The following GRM7 variants were observed in gnomAD, a reference collection of about 807,000 sequenced individuals.
GRM7 encodes metabotropic glutamate receptor 7.
Under a neutral mutation model 84.5 loss-of-function variants are expected in GRM7, and 35 were observed. That is an observed-to-expected ratio of 0.41 (90% CI 0.32 to 0.55). GRM7 has a LOEUF of 0.55. GRM7 is among the 20% of genes least tolerant of loss of function. The probability of loss-of-function intolerance (pLI) is 0.19; values close to 1 mark genes in which losing one functional copy is unlikely to be tolerated. For missense variants in GRM7, 1,003 were observed against 1,194.6 expected (o/e 0.84, Z 2.36); for synonymous variants, 487 against 455.1 (o/e 1.07, Z -0.89).
intron 9 of GRM7, among the ~76,000 whole-genome samples, chr3:7,734,570 G>A (rs986081803): frequency 2.6e-5 from 4 of 152,152 alleles, no homozygotes; most frequent in Non-Finnish European, 5.9e-5. Context: ...CACTGGATTG[G>A]AAATTATGGT....
chr3:6,923,320 G>A (rs920315262), intron 1 of GRM7, among the ~76,000 whole-genome samples: 10 of 79,540 alleles, frequency 1.3e-4, no homozygotes, highest in Non-Finnish European at 9.6e-5. Context: ...CAGCCCACAC[G>A]AACATGAAAA....
chr3:7,047,056 T>G (rs895819866), intron 1 of GRM7, among the ~76,000 whole-genome samples: 8 of 151,976 alleles, frequency 5.3e-5, no homozygotes, highest in African/African-American at 1.9e-4. Flanking sequence ...TTATCCAAAA[T>G]CTATAGTCAT....
At chr3:7,560,626 G>A (rs140442408) in intron 7 of GRM7, among the ~76,000 whole-genome samples, 1 of 152,180 alleles carries the variant, frequency 6.6e-6, no homozygotes, top group East Asian at 1.9e-4. Flanking sequence ...CACTAGATTT[G>A]TTGGTGCATT....
chr3:7,724,206 T>C (rs1429378709), intron 9 of GRM7, among the ~76,000 whole-genome samples: 1 of 152,104 alleles, frequency 6.6e-6, no homozygotes, highest in South Asian at 2.1e-4. Context: ...TCCCTATCCA[T>C]GAGAAAGCAA....
Position 7,472,319 on chromosome 3 carries a change from A to G in GRM7, c.1515+10597A>G, listed in dbSNP as rs184145368. ...CATAAAATGGACTAAGAGAGTTCAC[A>G]TAATTGTGTAAATAGGAATGTTATG... On this transcript the variant is annotated intron_variant, in intron 7 of 9. Transcript: ENST00000357716. Among the ~76,000 whole-genome samples, 12 of 152,332 alleles carry G rather than the reference A, an allele frequency of 7.9e-5. No homozygotes were observed. In the East Asian group the frequency reaches 1.3e-3, roughly 17 times the overall value.
intron 1 of GRM7, among the ~76,000 whole-genome samples, chr3:6,867,124 G>A (rs530724117): frequency 5.9e-5 from 9 of 152,232 alleles, no homozygotes; most frequent in East Asian, 1.9e-4. Flanking sequence ...TTTCTAGGAC[G>A]TGTTATTTTT....
At chr3:7,455,560 C>G (rs1256397105) in intron 6 of GRM7, among the ~76,000 whole-genome samples, 1 of 152,060 alleles carries the variant, frequency 6.6e-6, no homozygotes, top group East Asian at 1.9e-4. Flanking sequence ...TGCCAAAAAG[C>G]CTACCTTAAA....
intron 1 of GRM7, among the ~76,000 whole-genome samples, chr3:6,909,380 C>A (rs1042353835): frequency 4.6e-5 from 7 of 152,102 alleles, no homozygotes; most frequent in African/African-American, 1.7e-4. Flanking sequence ...GCAAACCACC[C>A]ATTTGCCTTT....
chr3:7,491,204 G>T (rs1339202325), intron 7 of GRM7, among the ~76,000 whole-genome samples: 1 of 151,826 alleles, frequency 6.6e-6, no homozygotes, highest in East Asian at 1.9e-4. Context: ...TAGGTATTCA[G>T]TTAAAATGTA....
chr3:7,697,071 G>A (rs1701050069), intron 9 of GRM7, among the ~76,000 whole-genome samples: 1 of 152,108 alleles, frequency 6.6e-6, no homozygotes, highest in African/African-American at 2.4e-5. Flanking sequence ...AAGGGATTGA[G>A]AAAGAAAGAA....
chr3:7,593,920 C>T (rs537236030), intron 8 of GRM7, among the ~76,000 whole-genome samples: 2 of 151,898 alleles, frequency 1.3e-5, no homozygotes, highest in African/African-American at 4.8e-5. Context: ...TCCAAAATTA[C>T]ACCCTTGACA....
intron 8 of GRM7, 55 bp from the exon 9 acceptor site, chr3:7,679,994 A>AC: frequency 3.2e-6 from 5 of 1,568,446 alleles, no homozygotes; most frequent in African/African-American, 1.4e-5. Context: ...AAGTGTTCAG[A>AC]CCCCTACTGC....
intron 8 of GRM7, among the ~76,000 whole-genome samples, chr3:7,595,705 G>T (rs2125066572): frequency 6.6e-6 from 1 of 152,146 alleles, no homozygotes; most frequent in Non-Finnish European, 1.5e-5. Flanking sequence ...TGGGGGTGGG[G>T]GTAGGGAAGA....
chr3:7,449,937 C>G (rs1037947713), intron 5 of GRM7, among the ~76,000 whole-genome samples: 4 of 151,732 alleles, frequency 2.6e-5, no homozygotes, highest in Non-Finnish European at 5.9e-5. Context: ...GAAGTATTAA[C>G]AGAAAATTAA....
chr3:7,093,619 G>A lies in GRM7; in HGVS notation c.520-52833G>A, dbSNP rs893212163. Among the ~76,000 whole-genome samples the A allele has an allele frequency of 1.3e-4, 17 of 126,112 alleles. 2 individuals are homozygous for A. Among genetic ancestry groups the A allele is most frequent in the Admixed American group, 8.3e-4 (8 of 9,596 alleles). 82.7% of individuals were successfully genotyped at this position (126,112 alleles called of 152,430 possible). On this transcript the variant is annotated intron_variant, in intron 1 of 9. Coordinates refer to ENST00000357716, the MANE Select transcript of GRM7 (RefSeq NM_000844.4). ...TTGAACCCAGGAGGCAGAGGTTGCA[G>A]TAACACTAGATCACACCACTGCACT...
At position 7,259,953 on chromosome 3, in the gene GRM7, G is replaced by GTTTTTTGTTTT. The variant is rs1553638865; in HGVS notation, c.737-38725_737-38724insGTTTTTTTTTT. Among the ~76,000 whole-genome samples the GTTTTTTGTTTT allele has an allele frequency of 2.1e-4, 19 of 89,660 alleles. 1 individual carries two copies. Among genetic ancestry groups the GTTTTTTGTTTT allele is most frequent in the Non-Finnish European group, 1.3e-4 (7 of 52,270 alleles). The allele number at this position is 89,660 out of a possible 152,430, so 58.8% of individuals were successfully genotyped here. A position where few individuals can be genotyped will look rare whatever the true frequency, so the allele number is the denominator to read the frequency against. The stretch of plus-strand genomic sequence containing the variant: ...TTTCTCTGCAACCTTACCAGCATCT[G>GTTTTTTGTTTT]TTTTTTTTTTTTGACGTTTTAATAA... On this transcript the variant is annotated intron_variant, in intron 2 of 9. Transcript: ENST00000357716.
At chr3:7,375,340 T>C (rs565828729) in intron 4 of GRM7, among the ~76,000 whole-genome samples, 3 of 149,918 alleles carry the variant, frequency 2.0e-5, no homozygotes, top group African/African-American at 7.4e-5. Context: ...TGCCTCAGCC[T>C]CCTGAGTGGC....
intron 1 of GRM7, among the ~76,000 whole-genome samples, chr3:7,132,511 C>A (rs995122810): frequency 3.3e-5 from 5 of 152,052 alleles, no homozygotes; most frequent in Admixed American, 1.3e-4. Flanking sequence ...ATTTACCATG[C>A]AGAAATCGTA....
intron 2 of GRM7, among the ~76,000 whole-genome samples, chr3:7,220,817 A>G (rs1470542865): frequency 6.6e-6 from 1 of 152,196 alleles, no homozygotes; most frequent in Non-Finnish European, 1.5e-5. Flanking sequence ...AGAATTTTGC[A>G]GCTTGGTACG....
Sources: allele counts gnomAD v4.1 joint callset (sites outside exome capture counted in the v4.1 genomes callset), GRCh38; gene constraint gnomAD v4.1.1; transcripts MANE v1.5; gene names NCBI Gene and HGNC (gene_info 2026-07-23, HGNC 2026-07-21).